Variants in ZNF827 observed in about 807,000 individuals in gnomAD.
The protein encoded by ZNF827 is zinc finger protein 827.
ZNF827 carries 13 observed loss-of-function variants against 102.4 expected under a neutral mutation model. The observed-to-expected ratio is 0.13, with a 90% CI of 0.08 to 0.20. The LOEUF is 0.20. Ranked by LOEUF, ZNF827 falls within the 10% of genes least tolerant of loss-of-function variation. The probability of loss-of-function intolerance (pLI) is 1.00; values close to 1 mark genes in which losing one functional copy is unlikely to be tolerated. For synonymous variants in ZNF827, 523 were observed against 536.2 expected (o/e 0.98, Z 0.34); for missense variants, 1,103 against 1,344.4 (o/e 0.82, Z 2.81).
chr4:145,819,244 C>T (rs546608144), intron 8 of ZNF827, among the ~76,000 whole-genome samples: 36 of 152,202 alleles, frequency 2.4e-4, no homozygotes, highest in South Asian at 2.1e-3. Context: ...TCCAAACACT[C>T]GGAGAGAATT....
chr4:145,923,018 C>T lies in ZNF827; in HGVS notation c.43+15347G>A, dbSNP rs186814173. 1.3e-4 allele frequency among the ~76,000 whole-genome samples: 20 copies of T among 152,148 alleles called. No homozygotes were observed. In the East Asian group the frequency reaches 3.9e-3, roughly 29 times the overall value. ...TATATTTTATAACAAAATGTGTCAACATTTGGTAGATCTACATAACTCAGT... is the reference window on the plus strand; with the variant it reads ...TATATTTTATAACAAAATGTGTCAATATTTGGTAGATCTACATAACTCAGT... On this transcript the variant is annotated intron_variant, in intron 1 of 14. Coordinates refer to ENST00000508784, the MANE Select transcript of ZNF827 (RefSeq NM_001306215.2).
At chr4:145,903,584 T>C (rs186572656) in intron 1 of ZNF827, among the ~76,000 whole-genome samples, 1 of 152,280 alleles carries the variant, frequency 6.6e-6, no homozygotes, top group East Asian at 1.9e-4. Context: ...TTTAGCACTG[T>C]GACAGAATGA....
chr4:145,914,331 C>A (rs1752519332), intron 1 of ZNF827, among the ~76,000 whole-genome samples: 1 of 152,142 alleles, frequency 6.6e-6, no homozygotes, highest in Admixed American at 6.5e-5. Context: ...CCTAACGCGC[C>A]CCCTGCAACC....
intron 4 of ZNF827, among the ~76,000 whole-genome samples, chr4:145,882,104 C>A (rs970430729): frequency 2.6e-5 from 4 of 152,172 alleles, no homozygotes; most frequent in African/African-American, 9.7e-5. Context: ...GGTGACAAGG[C>A]ACAGAATCAG....
chr4:145,903,403 A>G (rs1417250187), intron 1 of ZNF827, among the ~76,000 whole-genome samples, 188 bp from the exon 2 acceptor site: 1 of 152,222 alleles, frequency 6.6e-6, no homozygotes, highest in Non-Finnish European at 1.5e-5. Context: ...AAAATGCTAC[A>G]CAGGCAAAGG....
At chr4:145,783,158 T>A (rs1176352690) in intron 8 of ZNF827, among the ~76,000 whole-genome samples, 1 of 152,176 alleles carries the variant, frequency 6.6e-6, no homozygotes, top group Non-Finnish European at 1.5e-5. Context: ...TGGCCTCCCT[T>A]CCCTGGGGTA....
At chr4:145,764,324 T>G (rs1331217099) in intron 13 of ZNF827, among the ~76,000 whole-genome samples, 3 of 152,216 alleles carry the variant, frequency 2.0e-5, no homozygotes, top group Admixed American at 2.0e-4. Flanking sequence ...GGTGTTTTAT[T>G]CCTGTGTGCC....
intron 5 of ZNF827, among the ~76,000 whole-genome samples, chr4:145,866,942 C>G (rs1004814162): frequency 5.9e-5 from 9 of 152,188 alleles, no homozygotes; most frequent in Non-Finnish European, 8.8e-5. Flanking sequence ...GCAAGGTGAC[C>G]AGACATTGCA....
chr4:145,867,907 C>A (rs1748345605), intron 5 of ZNF827, among the ~76,000 whole-genome samples: 1 of 152,158 alleles, frequency 6.6e-6, no homozygotes, highest in African/African-American at 2.4e-5. Context: ...GTGATCATGG[C>A]AAAGGGTATC....
At chr4:145,842,322 T>C (rs1170148080) in intron 7 of ZNF827, among the ~76,000 whole-genome samples, 2 of 152,080 alleles carry the variant, frequency 1.3e-5, no homozygotes, top group African/African-American at 2.4e-5. Flanking sequence ...GAGGGAGGAT[T>C]TGATGGTGAG....
intron 6 of ZNF827, 42 bp downstream of exon 6, chr4:145,849,280 A>G (rs1296223368): frequency 6.3e-7 from 1 of 1,593,060 alleles, no homozygotes; most frequent in Non-Finnish European, 8.6e-7. Flanking sequence ...GTTTTCCTTC[A>G]ATGATTTCCA....
At position 145,763,119 on chromosome 4, in the gene ZNF827, T is replaced by C; in HGVS notation, c.3234A>G (p.Ser1078=). The C allele has an allele frequency of 6.5e-7, 1 of 1,536,138 alleles. No homozygotes were observed. Among genetic ancestry groups the C allele is most frequent in the Non-Finnish European group, 8.7e-7 (1 of 1,146,890 alleles). ...AGGAGTCTGAAACTCACCACTGTCC[T>C]GAGCTACGGCAAAAGAAAAATAATA... The part of the protein sequence containing the change: ...CHTVPTGGLN[S]GQW The change falls in exon 14 of 15, where the codon TCA becomes TCG. Residue 1078 remains serine (S), a synonymous_variant. Transcript: ENST00000508784. This position sits in a 1 kb window ranked among gnomAD's most constrained non-coding sequence, Gnocchi z 4.6.
At chr4:145,826,245 C>T (rs566784148) in intron 7 of ZNF827, among the ~76,000 whole-genome samples, 5 of 152,272 alleles carry the variant, frequency 3.3e-5, no homozygotes, top group South Asian at 2.1e-4. Context: ...GCCTCAGTTT[C>T]GTCACTGAAA....
At position 145,759,118 on chromosome 4, in the gene ZNF827, G is replaced by A. The variant is rs1274449603; in HGVS notation, c.*2498C>T. The A allele has an allele frequency of 2.0e-4, 30 of 152,132 alleles. No individual in the cohort carries two copies. Among genetic ancestry groups the A allele is most frequent in the Non-Finnish European group, 1.2e-4 (8 of 68,018 alleles). The allele number at this position is 152,132 out of a possible 1,614,324, so 9.4% of individuals were successfully genotyped here. A position where few individuals can be genotyped will look rare whatever the true frequency, so the allele number is the denominator to read the frequency against. ...AACACAGTAAGAAAATGTTCCTCCT[G>A]TACACCAGTTCTCCAATAGATAAAT... On this transcript the variant is annotated 3_prime_UTR_variant, in exon 15 of 15. Coordinates refer to ENST00000508784, the MANE Select transcript of ZNF827 (RefSeq NM_001306215.2).
chr4:145,835,561 CAAT>C (rs1311846365), intron 7 of ZNF827, among the ~76,000 whole-genome samples: 4 of 149,162 alleles, frequency 2.7e-5, no homozygotes, highest in East Asian at 4.2e-4. Flanking sequence ...TGGACTACAG[CAAT>C]ATCTCATTGC....
intron 8 of ZNF827, among the ~76,000 whole-genome samples, chr4:145,791,130 ATAAACCACAGAAATG>A (rs1293818999): frequency 6.6e-6 from 1 of 152,256 alleles, no homozygotes; most frequent in Non-Finnish European, 1.5e-5. Context: ...TGGATGGCTT[ATAAACCACAGAAATG>A]TTTTTCTCAC....
intron 7 of ZNF827, chr4:145,831,781 A>G (rs945397754): frequency 2.6e-5 from 4 of 152,244 alleles, no homozygotes; most frequent in African/African-American, 7.2e-5. Flanking sequence ...ATGCAGGAGG[A>G]AAAAGGACGG....
At chr4:145,915,916 A>G (rs1752635048) in intron 1 of ZNF827, among the ~76,000 whole-genome samples, 1 of 152,260 alleles carries the variant, frequency 6.6e-6, no homozygotes, top group Non-Finnish European at 1.5e-5. Context: ...TAGGCAAGAG[A>G]ATGGGATAAC....
chr4:145,886,884 C>T (rs535613911), intron 3 of ZNF827, among the ~76,000 whole-genome samples: 19 of 152,344 alleles, frequency 1.2e-4, no homozygotes, highest in Admixed American at 7.2e-4. Flanking sequence ...AATCCAGTTC[C>T]AGTCTTGCAT....
Sources: allele counts gnomAD v4.1 joint callset (sites outside exome capture counted in the v4.1 genomes callset), GRCh38; gene constraint gnomAD v4.1.1; non-coding constraint Gnocchi (gnomAD v3.1); transcripts MANE v1.5; gene names NCBI Gene and HGNC (gene_info 2026-07-23, HGNC 2026-07-21).